Variants in LDLRAD4 observed in about 807,000 individuals in gnomAD.
LDLRAD4 encodes the protein low-density lipoprotein receptor class A domain-containing protein 4.
In LDLRAD4, 5 loss-of-function variants were observed where a neutral mutation model predicts 17.0. The ratio of observed to expected loss-of-function variants is 0.29; its 90% CI spans 0.15 to 0.62. LDLRAD4 has a LOEUF of 0.62. Ranked by LOEUF, LDLRAD4 falls within the 20% of genes least tolerant of loss-of-function variation. The pLI, the probability that LDLRAD4 is intolerant of heterozygous loss-of-function variation, is 0.84. For missense variants in LDLRAD4, 340 were observed against 424.7 expected, an observed-to-expected ratio of 0.80 and a Z score of 1.75; for synonymous variants, 168 against 171.8, an observed-to-expected ratio of 0.98 and a Z score of 0.17.
chr18:13,549,552 A>G (rs1459624886), intron 3 of LDLRAD4, among the ~76,000 whole-genome samples: 2 of 151,828 alleles, frequency 1.3e-5, no homozygotes, highest in Non-Finnish European at 2.9e-5. Context: ...GTGTTTTAAC[A>G]TTGTCTGAAA....
intron 3 of LDLRAD4, among the ~76,000 whole-genome samples, chr18:13,459,388 G>C (rs147783776): frequency 5.0e-5 from 7 of 140,880 alleles, no homozygotes; most frequent in Non-Finnish European, 7.8e-5. Flanking sequence ...TTTTCTTTTT[G>C]TTTTTGTTTT....
intron 1 of LDLRAD4, among the ~76,000 whole-genome samples, chr18:13,229,401 G>A (rs2041960837): frequency 6.6e-6 from 1 of 152,206 alleles, no homozygotes; most frequent in South Asian, 2.1e-4. Context: ...AAGATCATAT[G>A]TATGCAGATC....
chr18:13,505,667 T>A (rs71353272), intron 3 of LDLRAD4, among the ~76,000 whole-genome samples: 14,672 of 151,652 alleles, frequency 0.097, 1,394 homozygotes, highest in African/African-American at 0.25. Flanking sequence ...AAATACAAAA[T>A]ATTACCCGGG....
intron 2 of LDLRAD4, among the ~76,000 whole-genome samples, chr18:13,426,511 A>T (rs2089950545): frequency 6.9e-6 from 1 of 145,862 alleles, no homozygotes; most frequent in Non-Finnish European, 1.5e-5. Flanking sequence ...GGCTGGTTCT[A>T]GGTCAGCCTG....
chr18:13,422,242 A>G (rs1347431533), intron 2 of LDLRAD4, among the ~76,000 whole-genome samples: 1 of 152,176 alleles, frequency 6.6e-6, no homozygotes, highest in African/African-American at 2.4e-5. Flanking sequence ...TCAGAGCTGC[A>G]GGGGAGACTA....
intron 1 of LDLRAD4, among the ~76,000 whole-genome samples, chr18:13,272,761 A>G (rs1008106864): frequency 3.9e-5 from 6 of 152,234 alleles, no homozygotes; most frequent in Non-Finnish European, 7.3e-5. Flanking sequence ...TTGTAGACCC[A>G]GCTGGGACAC....
intron 1 of LDLRAD4, among the ~76,000 whole-genome samples, chr18:13,238,411 T>A (rs759453556): frequency 2.0e-5 from 3 of 152,250 alleles, no homozygotes; most frequent in Non-Finnish European, 4.4e-5. Flanking sequence ...TATTTTATGA[T>A]TGATCAGTGT....
At chr18:13,582,187 T>C (rs1008906268) in intron 3 of LDLRAD4, among the ~76,000 whole-genome samples, 2 of 152,158 alleles carry the variant, frequency 1.3e-5, no homozygotes, top group African/African-American at 2.4e-5. Flanking sequence ...CAAAAAAACC[T>C]AAAGCAGTCG....
chr18:13,521,580 T>C (rs903449802), intron 3 of LDLRAD4: 5 of 152,060 alleles, frequency 3.3e-5, no homozygotes, highest in East Asian at 3.9e-4. Context: ...CCTCTGTCAT[T>C]GCTCTCTTTT....
At chr18:13,525,731 T>G (rs2094020209) in intron 3 of LDLRAD4, among the ~76,000 whole-genome samples, 2 of 152,204 alleles carry the variant, frequency 1.3e-5, no homozygotes, top group Admixed American at 6.5e-5. Flanking sequence ...TGCGCCTGGG[T>G]CCCAGGGAGA....
intron 2 of LDLRAD4, among the ~76,000 whole-genome samples, chr18:13,429,253 A>G (rs59507483): frequency 0.069 from 10,561 of 152,228 alleles, 1,162 homozygotes; most frequent in African/African-American, 0.24. Context: ...GTGTTGGTGC[A>G]GTGATGGGCC....
At chr18:13,371,355 T>A (rs2084495288) in intron 1 of LDLRAD4, among the ~76,000 whole-genome samples, 1 of 152,232 alleles carries the variant, frequency 6.6e-6, no homozygotes, top group African/African-American at 2.4e-5. Flanking sequence ...CTGCTGCTGC[T>A]GGAGCCCACC....
At chr18:13,356,471 A>G (rs2083349963) in intron 1 of LDLRAD4, among the ~76,000 whole-genome samples, 1 of 152,256 alleles carries the variant, frequency 6.6e-6, no homozygotes, top group Non-Finnish European at 1.5e-5. Context: ...TAGAAGATGT[A>G]GCACTGTAGA....
At chr18:13,651,847 C>G (rs2043259223) in exon 6 of LDLRAD4, 1 of 152,176 alleles carries the variant, frequency 6.6e-6, no homozygotes. Context: ...TTGAAAATGT[C>G]AGATTCTATA....
intron 3 of LDLRAD4, among the ~76,000 whole-genome samples, chr18:13,506,393 T>C (rs12607174): frequency 0.63 from 86,004 of 135,614 alleles, 27,614 homozygotes; most frequent in East Asian, 0.76. Context: ...GCTGTTTCTT[T>C]TATAACTCCG....
At chr18:13,376,454 C>A (rs1475031525) in intron 1 of LDLRAD4, among the ~76,000 whole-genome samples, 1 of 152,200 alleles carries the variant, frequency 6.6e-6, no homozygotes, top group Non-Finnish European at 1.5e-5. Flanking sequence ...TCCCTCTTGC[C>A]AGCGGCATCC....
intron 1 of LDLRAD4, among the ~76,000 whole-genome samples, chr18:13,291,168 G>A (rs1294263840): frequency 6.6e-6 from 1 of 152,092 alleles, no homozygotes; most frequent in East Asian, 1.9e-4. Context: ...CATCCACGCC[G>A]CCTCTCCTTC....
chr18:13,367,843 G>T lies in LDLRAD4; in HGVS notation c.-382-19498G>T, dbSNP rs1463340029. ...AGAGAGGGGACAGTGGGGTGTGGGG[G>T]TGTGCTATCAAGGGGTGTATCGAGA... On this transcript the variant is annotated intron_variant, in intron 1 of 5. Coordinates refer to ENST00000359446, the Ensembl canonical transcript of LDLRAD4. This position sits in a 1 kb window ranked among gnomAD's most constrained non-coding sequence, Gnocchi z 4.1. Among the ~76,000 whole-genome samples the T allele has an allele frequency of 6.6e-6, 1 of 151,708 alleles. No homozygotes were observed. Among genetic ancestry groups the T allele is most frequent in the Non-Finnish European group, 1.5e-5 (1 of 67,910 alleles).
At chr18:13,454,127 C>T (rs556950298) in intron 3 of LDLRAD4, among the ~76,000 whole-genome samples, 56 of 152,340 alleles carry the variant, frequency 3.7e-4, no homozygotes, top group African/African-American at 1.3e-3. Context: ...TCTGGCTCTG[C>T]GATGATATAA....
Sources: allele counts gnomAD v4.1 joint callset (sites outside exome capture counted in the v4.1 genomes callset), GRCh38; gene constraint gnomAD v4.1.1; non-coding constraint Gnocchi (gnomAD v3.1); transcripts MANE v1.5; gene names NCBI Gene and HGNC (gene_info 2026-07-23, HGNC 2026-07-21).